Variants in CFAP69 observed in about 807,000 individuals in gnomAD.
CFAP69 encodes cilia and flagella associated protein 69.
CFAP69 carries 92 observed loss-of-function variants against 123.0 expected under a neutral mutation model. The ratio of observed to expected loss-of-function variants is 0.75; its 90% CI spans 0.63 to 0.89. The LOEUF (loss-of-function observed/expected upper bound fraction) is 0.89, where lower values mean the gene tolerates loss of function less well. CFAP69 is among the 40% of genes least tolerant of loss of function. The pLI is 0.00. For missense variants in CFAP69, 1,067 were observed against 1,096.9 expected (o/e 0.97, Z 0.39); for synonymous variants, 380 against 364.3 (o/e 1.04, Z -0.49).
downstream of CFAP69, among the ~76,000 whole-genome samples, chr7:90,313,537 G>C (rs1165910574): frequency 1.3e-5 from 2 of 152,168 alleles, no homozygotes; most frequent in African/African-American, 4.8e-5. Flanking sequence ...TGGAGAAATG[G>C]CTAATTCTAA....
downstream of CFAP69, among the ~76,000 whole-genome samples, chr7:90,312,073 G>T (rs1794387387): frequency 6.6e-6 from 1 of 152,130 alleles, no homozygotes; most frequent in Non-Finnish European, 1.5e-5. Flanking sequence ...CTAAGAACAA[G>T]GTAGAGACCA....
At chr7:90,267,517 A>T (rs905764922) in intron 5 of CFAP69, among the ~76,000 whole-genome samples, 48 of 152,166 alleles carry the variant, frequency 3.2e-4, no homozygotes, top group African/African-American at 1.2e-3. Flanking sequence ...AACAGAGTAG[A>T]TGCAATCCAG....
At chr7:90,297,965 A>G (rs1317666608) in intron 16 of CFAP69, 135 bp downstream of exon 16, 3 of 570,870 alleles carry the variant, frequency 5.3e-6, no homozygotes, top group Non-Finnish European at 3.0e-6. Flanking sequence ...GGTCTTAAAC[A>G]AAATTGCTCC....
At chr7:90,272,193 A>G (rs924952404) in intron 8 of CFAP69, 2 of 353,704 alleles carry the variant, frequency 5.7e-6, no homozygotes, top group Admixed American at 9.1e-5. Context: ...ATAACTTGGA[A>G]TATAGATAAA....
chr7:90,258,230 G>A (rs1584330862), intron 3 of CFAP69, 67 bp downstream of exon 3: 2 of 1,174,016 alleles, frequency 1.7e-6, no homozygotes, highest in East Asian at 2.4e-5. Context: ...TTTAGAAAAT[G>A]TGTTAGTTTT....
intron 14 of CFAP69, 120 bp downstream of exon 14, chr7:90,286,519 T>A (rs1790301418): frequency 1.0e-6 from 1 of 1,003,286 alleles, no homozygotes; most frequent in Non-Finnish European, 1.4e-6. Context: ...TGTTAATAAT[T>A]AGAGCATAAT....
At position 90,304,148 on chromosome 7, in the gene CFAP69, A is replaced by G. The variant is rs898553794; in HGVS notation, c.2188+42A>G. 4 of 1,533,318 alleles carry G rather than the reference A, an allele frequency of 2.6e-6. No homozygotes were observed. In the African/African-American group the frequency reaches 5.5e-5, roughly 21 times the overall value. The allele number at this position is 1,533,318 out of a possible 1,614,324, so 95.0% of individuals were successfully genotyped here. A position where few individuals can be genotyped will look rare whatever the true frequency, so the allele number is the denominator to read the frequency against. ...AAATTTGCAAGAGTCTGTTTTGCTA[A>G]GTATACACACTGATTTTACTTTGGA... is the stretch of plus-strand genomic sequence containing the variant. On this transcript the variant is annotated intron_variant, in intron 18 of 22. Coordinates refer to ENST00000389297, the MANE Select transcript of CFAP69 (RefSeq NM_001039706.3).
chr7:90,299,173 AG>A (rs1792411921), intron 16 of CFAP69, among the ~76,000 whole-genome samples: 2 of 152,192 alleles, frequency 1.3e-5, no homozygotes, highest in South Asian at 4.1e-4. Flanking sequence ...TTCAAATAAC[AG>A]TATACTGTAA....
chr7:90,319,931 G>T, the CFAP69 span, among the ~76,000 whole-genome samples: 1 of 152,038 alleles, frequency 6.6e-6, no homozygotes, highest in East Asian at 1.9e-4. Flanking sequence ...TTACAGTTCC[G>T]GTTTGATTTC....
At chr7:90,263,832 G>C (rs1170834891) in intron 4 of CFAP69, among the ~76,000 whole-genome samples, 1 of 151,634 alleles carries the variant, frequency 6.6e-6, no homozygotes, top group African/African-American at 2.4e-5. Context: ...GCTCATACCT[G>C]TTAATCCCAG....
chr7:90,307,725 AG>A, intron 20 of CFAP69, 42 bp from the exon 21 acceptor site: 9 of 1,306,482 alleles, frequency 6.9e-6, no homozygotes, highest in South Asian at 1.3e-5. Context: ...AAAAAAAAAA[AG>A]AAAAAAAAGA....
At chr7:90,269,310 T>C (rs898001155) in intron 6 of CFAP69, among the ~76,000 whole-genome samples, 1 of 152,052 alleles carries the variant, frequency 6.6e-6, no homozygotes, top group African/African-American at 2.4e-5. Context: ...CAAATAGAGT[T>C]GAAAATTGAA....
intron 15 of CFAP69, among the ~76,000 whole-genome samples, chr7:90,294,282 C>A (rs1192676068): frequency 6.6e-6 from 1 of 152,158 alleles, no homozygotes; most frequent in Non-Finnish European, 1.5e-5. Flanking sequence ...CCAAATGTTA[C>A]ATTTTTGAAG....
At chr7:90,257,016 T>C (rs992381193) in intron 2 of CFAP69, among the ~76,000 whole-genome samples, 1 of 152,200 alleles carries the variant, frequency 6.6e-6, no homozygotes, top group African/African-American at 2.4e-5. Flanking sequence ...TCCAAATTTG[T>C]CTTCTAACAC....
At chr7:90,322,752 T>C in the CFAP69 span, among the ~76,000 whole-genome samples, 6 of 152,200 alleles carry the variant, frequency 3.9e-5, no homozygotes. Flanking sequence ...TTTTAAAGAA[T>C]ATTCTAATAT....
chr7:90,278,689 G>A (rs1015774858), intron 11 of CFAP69, among the ~76,000 whole-genome samples: 3 of 151,970 alleles, frequency 2.0e-5, no homozygotes, highest in Non-Finnish European at 2.9e-5. Flanking sequence ...CTTTGTGAGC[G>A]GTGAAATCAA....
At chr7:90,296,114 GC>G (rs1258530718) in intron 15 of CFAP69, among the ~76,000 whole-genome samples, 3 of 152,098 alleles carry the variant, frequency 2.0e-5, no homozygotes, top group African/African-American at 7.2e-5. Context: ...ATTTCACCCA[GC>G]CCCTATTCAA....
At position 90,288,399 on chromosome 7, in the gene CFAP69, A is replaced by T. The variant is rs373504192; in HGVS notation, c.1775+47A>T. 4.5e-4 allele frequency: 714 copies of T among 1,586,334 alleles called. 4 individuals are homozygous for T. Among genetic ancestry groups the T allele is most frequent in the Non-Finnish European group, 8.7e-5 (101 of 1,162,314 alleles). On this transcript the variant is annotated intron_variant, in intron 15 of 22. Transcript: ENST00000389297. The stretch of plus-strand genomic sequence containing the variant: ...TTAGGTAGACTCACAGCAGTCATGC[A>T]TCACTTTACAACAGTGAGGATACTT...
chr7:90,287,872 A>G (rs1476273948), intron 14 of CFAP69: 4 of 461,048 alleles, frequency 8.7e-6, no homozygotes, highest in Admixed American at 6.0e-5. Context: ...AGTTCTTACT[A>G]TCTAAGAATT....
Sources: gnomAD v4.1 joint callset for allele counts (sites outside exome capture counted in the v4.1 genomes callset) on GRCh38, gnomAD v4.1.1 for gene constraint, MANE v1.5 for transcripts, NCBI Gene and HGNC (gene_info 2026-07-23, HGNC 2026-07-21) for gene names.